The following SGPP2 variants were observed in gnomAD, a reference collection of about 807,000 sequenced individuals.
The protein encoded by SGPP2 is sphingosine-1-phosphate phosphatase 2.
SGPP2 carries 30 observed loss-of-function variants against 33.9 expected under a neutral mutation model. The ratio of observed to expected loss-of-function variants is 0.89; its 90% CI spans 0.66 to 1.20. The LOEUF (loss-of-function observed/expected upper bound fraction) is 1.20. SGPP2 is among the 50% of genes most tolerant of loss of function. The pLI, the probability that SGPP2 is intolerant of heterozygous loss-of-function variation, is 0.00. For synonymous variants in SGPP2, 233 were observed against 225.0 expected (o/e 1.04, Z -0.32); for missense variants, 458 against 532.1 (o/e 0.86, Z 1.37).
At chr2:222,515,406 G>T (rs1698589550) in intron 2 of SGPP2, among the ~76,000 whole-genome samples, 1 of 152,026 alleles carries the variant, frequency 6.6e-6, no homozygotes, top group East Asian at 1.9e-4. Flanking sequence ...TTGGCTCATT[G>T]CAACCTCCGC....
At chr2:222,427,788 G>C (rs375681961) in intron 1 of SGPP2, among the ~76,000 whole-genome samples, 2 of 152,166 alleles carry the variant, frequency 1.3e-5, no homozygotes, top group African/African-American at 4.8e-5. Context: ...TTTTGAAACA[G>C]GACAAGTGTT....
At chr2:222,545,669 C>G (rs1218531812) in intron 4 of SGPP2, among the ~76,000 whole-genome samples, 1 of 152,140 alleles carries the variant, frequency 6.6e-6, no homozygotes. Flanking sequence ...TTCTCTTAAT[C>G]ATTGCAACCC....
intron 2 of SGPP2, among the ~76,000 whole-genome samples, chr2:222,481,406 T>C (rs1574853708): frequency 6.6e-6 from 1 of 152,346 alleles, no homozygotes; most frequent in South Asian, 2.1e-4. Context: ...CTTTCATTTT[T>C]TATTGATTTC....
intron 2 of SGPP2, among the ~76,000 whole-genome samples, chr2:222,492,153 G>A (rs1698207034): frequency 6.6e-6 from 1 of 152,140 alleles, no homozygotes; most frequent in Non-Finnish European, 1.5e-5. Context: ...CCATTCTGGG[G>A]CCTGGAGGAC....
chr2:222,425,929 A>G (rs1697062629), intron 1 of SGPP2, among the ~76,000 whole-genome samples: 1 of 152,128 alleles, frequency 6.6e-6, no homozygotes, highest in Non-Finnish European at 1.5e-5. Context: ...ACTCCAGAGA[A>G]ATCCTCCTCT....
chr2:222,444,429 TAG>T (rs1418620927), intron 1 of SGPP2, among the ~76,000 whole-genome samples: 3 of 152,212 alleles, frequency 2.0e-5, no homozygotes, highest in Non-Finnish European at 2.9e-5. Flanking sequence ...TGGAAATTTT[TAG>T]AGAGTTTCTT....
chr2:222,446,174 G>C (rs1473797209), intron 1 of SGPP2, among the ~76,000 whole-genome samples: 1 of 152,138 alleles, frequency 6.6e-6, no homozygotes, highest in Non-Finnish European at 1.5e-5. Flanking sequence ...GAGTGTTGAT[G>C]ATGAGGGAGC....
intron 1 of SGPP2, among the ~76,000 whole-genome samples, chr2:222,461,683 C>T (rs371177575): frequency 2.0e-5 from 3 of 151,882 alleles, no homozygotes; most frequent in African/African-American, 7.3e-5. Flanking sequence ...CTAGATCCCT[C>T]GCATGTGCAG....
intron 1 of SGPP2, among the ~76,000 whole-genome samples, chr2:222,425,897 G>A (rs1031609089): frequency 6.6e-6 from 1 of 151,998 alleles, no homozygotes; most frequent in African/African-American, 2.4e-5. Flanking sequence ...TGTTTGGGAG[G>A]GTGAGGGTGG....
intron 1 of SGPP2, among the ~76,000 whole-genome samples, chr2:222,468,501 C>T (rs1353183760): frequency 1.3e-5 from 2 of 152,192 alleles, no homozygotes; most frequent in Non-Finnish European, 2.9e-5. Context: ...TCCCCAAGGT[C>T]ACACTTTGTT....
chr2:222,452,294 A>G (rs1166721763), intron 1 of SGPP2: 2 of 562,604 alleles, frequency 3.6e-6, no homozygotes, highest in South Asian at 3.4e-5. Flanking sequence ...AAACCAGAAC[A>G]TGTGGTTTCC....
intron 1 of SGPP2, among the ~76,000 whole-genome samples, chr2:222,433,120 C>G (rs536108138): frequency 6.6e-6 from 1 of 151,578 alleles, no homozygotes; most frequent in Non-Finnish European, 1.5e-5. Context: ...AGGGGACAGG[C>G]AAAGCCAAAC....
rs185806891 is a variant in SGPP2, at chr2:222,477,849, G to A, written c.378+3123G>A. ...TGCTTCGGATTCCTCACTTCAAAGC[G>A]TCAGAGTGCTTGTCTGAGGCAAAAT... On this transcript the variant is annotated intron_variant, in intron 2 of 4. Transcript: ENST00000321276. The surrounding 1 kb of genome is among the most constrained non-coding windows in gnomAD (Gnocchi z 6.0). Among the ~76,000 whole-genome samples the A allele has an allele frequency of 3.3e-5, 5 of 152,208 alleles. No individual in the cohort carries two copies. The highest frequency in any genetic ancestry group is 1.9e-4 in the East Asian group (1 of 5,184).
At chr2:222,479,354 A>T (rs1203556533) in intron 2 of SGPP2, among the ~76,000 whole-genome samples, 1 of 147,302 alleles carries the variant, frequency 6.8e-6, no homozygotes, top group Non-Finnish European at 1.5e-5. Flanking sequence ...CTCTTATGGC[A>T]TTTATTAACC....
chr2:222,445,315 T>G (rs1697383048), intron 1 of SGPP2, among the ~76,000 whole-genome samples: 1 of 152,210 alleles, frequency 6.6e-6, no homozygotes, highest in Non-Finnish European at 1.5e-5. Context: ...CTTCTGTTCT[T>G]TGAGACAATG....
At chr2:222,433,109 G>C (rs1559142030) in intron 1 of SGPP2, among the ~76,000 whole-genome samples, 2 of 148,250 alleles carry the variant, frequency 1.3e-5, no homozygotes, top group Non-Finnish European at 3.0e-5. Flanking sequence ...GAGGGGAGGG[G>C]AGGGGACAGG....
intron 1 of SGPP2, among the ~76,000 whole-genome samples, chr2:222,449,048 A>G (rs1394152118): frequency 1.3e-5 from 2 of 152,220 alleles, no homozygotes; most frequent in Non-Finnish European, 2.9e-5. Context: ...TTAGGACTGG[A>G]TTACAGAGAG....
At chr2:222,456,032 C>CTGTGCCACTACACTCCA (rs1429026296) in intron 1 of SGPP2, among the ~76,000 whole-genome samples, 1 of 152,130 alleles carries the variant, frequency 6.6e-6, no homozygotes, top group Non-Finnish European at 1.5e-5. Flanking sequence ...TGAGCTATGA[C>CTGTGCCACTACACTCCA]TGTGCCACTA....
chr2:222,532,914 C>G (rs1024577021), intron 4 of SGPP2, among the ~76,000 whole-genome samples: 7 of 152,072 alleles, frequency 4.6e-5, no homozygotes, highest in Non-Finnish European at 7.4e-5. Context: ...AGTGACTTTA[C>G]CACCCCTGGG....
Sources: gnomAD v4.1 joint callset for allele counts (sites outside exome capture counted in the v4.1 genomes callset) on GRCh38, gnomAD v4.1.1 for gene constraint, Gnocchi (gnomAD v3.1) non-coding constraint, MANE v1.5 for transcripts, NCBI Gene and HGNC (gene_info 2026-07-23, HGNC 2026-07-21) for gene names.